PSMA7: variants seen among roughly 807,000 people sequenced by gnomAD.
The protein encoded by PSMA7 is proteasome 20S subunit alpha 7.
Under a neutral mutation model 31.3 loss-of-function variants are expected in PSMA7, and 5 were observed. That is an observed-to-expected ratio of 0.16 (90% CI 0.08 to 0.34). The LOEUF (loss-of-function observed/expected upper bound fraction) is 0.34, where lower values mean the gene tolerates loss of function less well. PSMA7 is among the 10% of genes least tolerant of loss of function. PSMA7 has a pLI of 1.00. For synonymous variants in PSMA7, 155 were observed against 121.9 expected (o/e 1.27, Z -1.79); for missense variants, 217 against 327.5 (o/e 0.66, Z 2.60).
At position 62,136,969 on chromosome 20, in the gene PSMA7, G is replaced by A; in HGVS notation, c.655-20C>T. 6.3e-7 allele frequency: 1 copy of A among 1,595,050 alleles called. No homozygotes were observed. Among genetic ancestry groups the A allele is most frequent in the South Asian group, 1.2e-5 (1 of 86,316 alleles). ...TAAAATCTATAGAAAAAAACTTCAT[G>A]GTTACCTAAGCCACACAAGGTGCCA... is the stretch of plus-strand genomic sequence containing the variant. On this transcript the variant is annotated intron_variant, in intron 6 of 6. Coordinates refer to ENST00000370873, the MANE Select transcript of PSMA7 (RefSeq NM_002792.4).
rs2056925349 is a variant in PSMA7 at position 62,141,195 on chromosome 20, A to C, written c.97-251T>G. On this transcript the variant is annotated intron_variant, in intron 1 of 6. Coordinates refer to ENST00000370873, the MANE Select transcript of PSMA7 (RefSeq NM_002792.4). Reference sequence around the variant, plus strand: ...GGTGGGAGGATCGCTAGAGCCTGGAAGGTGGAGGCTGCAGTGAGCCATGAC... The same window carrying C: ...GGTGGGAGGATCGCTAGAGCCTGGACGGTGGAGGCTGCAGTGAGCCATGAC... Among the ~76,000 whole-genome samples the C allele has an allele frequency of 2.6e-5, 4 of 152,328 alleles. No individual in the cohort carries two copies. In the South Asian group the frequency reaches 8.3e-4, roughly 32 times the overall value.
Position 62,139,201 on chromosome 20 carries a change from G to T in PSMA7, c.349-4C>A. 6.2e-7 allele frequency: 1 copy of T among 1,613,202 alleles called. No individual in the cohort carries two copies. Among genetic ancestry groups the T allele is most frequent in the South Asian group, 1.1e-5 (1 of 91,032 alleles). ...GCCCATTGCTCTGCGTATAACGCTA[G>T]CAAGAAAAGAAACAGGTCAGTGCCA... On this transcript the variant is annotated splice_region_variant and splice_polypyrimidine_tract_variant and intron_variant, in intron 3 of 6. Coordinates refer to ENST00000370873, the MANE Select transcript of PSMA7 (RefSeq NM_002792.4).
In PSMA7 at chr20:62,143,279, C is replaced by T. The variant is rs1330486115; in HGVS notation, c.25G>A (p.Val9Ile). 3.4e-6 allele frequency: 5 copies of T among 1,471,478 alleles called. No homozygotes were observed. The East Asian group carries it at 1.2e-4, about 36-fold the overall frequency. The allele number at this position is 1,471,478 out of a possible 1,614,324, so 91.2% of individuals were successfully genotyped here. The change falls in exon 1 of 7, where the codon GTC becomes ATC. Residue 9 changes from valine to isoleucine, a missense_variant. This residue lies in a region of PSMA7 where 76 missense variants were observed against 96.5 expected (regional missense o/e 0.79). Coordinates refer to ENST00000370873, the MANE Select transcript of PSMA7 (RefSeq NM_002792.4). The part of the protein sequence containing the change: MSYDRAIT[V>I]FSPDGHLFQV... Reference sequence around the variant, plus strand: ...AAGAGGTGGCCGTCGGGCGAGAAGACGGTGATGGCGCGGTCGTAGCTCATG... The same window carrying T: ...AAGAGGTGGCCGTCGGGCGAGAAGATGGTGATGGCGCGGTCGTAGCTCATG...
Position 62,140,846 on chromosome 20 carries a change from C to G in PSMA7, c.195G>C (p.Leu65Phe). Reference protein sequence around the residue: ...DERTVRKICALDDNVCMAFAG... With the variant: ...DERTVRKICAFDDNVCMAFAG... ...CAAAGGCCATGCAGACGTTGTCATC[C>G]AAAGCACAGATCTTCCGCACTGTTC... The change falls in exon 2 of 7, where the codon TTG becomes TTC. Residue 65 changes from leucine (L) to phenylalanine (F), a missense_variant. By Grantham distance (22) the Leu-to-Phe change is conservative. Transcript: ENST00000370873. The G allele has an allele frequency of 6.2e-7, 1 of 1,614,236 alleles. No homozygotes were observed. Among genetic ancestry groups the G allele is most frequent in the Non-Finnish European group, 8.5e-7 (1 of 1,180,042 alleles).
At chr20:62,143,103 C>A in intron 1 of PSMA7, 105 bp downstream of exon 1, 1 of 633,602 alleles carries the variant, frequency 1.6e-6, no homozygotes, top group Non-Finnish European at 2.0e-6. Context: ...GCCCCGCGCA[C>A]GCCCGCGGGC....
At position 62,143,357 on chromosome 20, in the gene PSMA7, C is replaced by T; in HGVS notation, c.-54G>A. ...GCCGCGACTCTCAAAAGCGCACACT[C>T]ACGGCCCGCGCGCACCCGCGACTCC... On this transcript the variant is annotated 5_prime_UTR_variant, in exon 1 of 7. Coordinates refer to ENST00000370873, the MANE Select transcript of PSMA7 (RefSeq NM_002792.4). 2 of 1,108,890 alleles carry T rather than the reference C, an allele frequency of 1.8e-6. No individual in the cohort carries two copies. The highest frequency in any genetic ancestry group is 2.3e-5 in the South Asian group (1 of 43,938). The allele number at this position is 1,108,890 out of a possible 1,614,324, so 68.7% of individuals were successfully genotyped here.
rs1041950309 is a variant in PSMA7 at position 62,140,027 on chromosome 20, A to G, written c.224-122T>C. The G allele has an allele frequency of 6.8e-6, 9 of 1,318,798 alleles. No homozygotes were observed. The African/African-American group carries it at 1.2e-4, about 17-fold the overall frequency. 81.7% of individuals were successfully genotyped at this position (1,318,798 alleles called of 1,614,324 possible). On this transcript the variant is annotated intron_variant, in intron 2 of 6. Coordinates refer to ENST00000370873, the MANE Select transcript of PSMA7 (RefSeq NM_002792.4). The stretch of plus-strand genomic sequence containing the variant: ...CCCAAACCGGCAGCAAGGCTATTCT[A>G]ACTGACTGGCAGCGGAACCTATCAG...
chr20:62,139,010 G>A (rs574890873), intron 4 of PSMA7, 65 bp downstream of exon 4: 3 of 1,584,096 alleles, frequency 1.9e-6, no homozygotes, highest in African/African-American at 1.3e-5. Context: ...GGAAGCCCAG[G>A]ACCTCCCACC....
At chr20:62,142,813 G>C (rs1017425584) in intron 1 of PSMA7, among the ~76,000 whole-genome samples, 3 of 151,928 alleles carry the variant, frequency 2.0e-5, no homozygotes, top group African/African-American at 7.2e-5. Flanking sequence ...GCGAGCGCAC[G>C]GCCTACCCCC....
chr20:62,141,127 G>C (rs2056925042), intron 1 of PSMA7, among the ~76,000 whole-genome samples, 183 bp from the exon 2 acceptor site: 1 of 152,216 alleles, frequency 6.6e-6, no homozygotes, highest in African/African-American at 2.4e-5. Flanking sequence ...AAATTAGCCA[G>C]GTGTGGTGGC....
intron 2 of PSMA7, 126 bp from the exon 3 acceptor site, chr20:62,140,031 G>C (rs1259316983): frequency 4.7e-6 from 6 of 1,277,086 alleles, no homozygotes; most frequent in Middle Eastern, 2.8e-4. Flanking sequence ...TATTCTAACT[G>C]ACTGGCAGCG....
rs1386339252 is a variant in PSMA7, at chr20:62,143,347, A to AGCGCACACTCACGGCCC, written c.-61_-45dup. 3.9e-6 allele frequency: 5 copies of AGCGCACACTCACGGCCC among 1,279,026 alleles called. No homozygotes were observed. The highest frequency in any genetic ancestry group is 5.1e-6 in the Non-Finnish European group (5 of 976,330). The allele number at this position is 1,279,026 out of a possible 1,614,324, so 79.2% of individuals were successfully genotyped here. A position where few individuals can be genotyped will look rare whatever the true frequency, so the allele number is the denominator to read the frequency against. On this transcript the variant is annotated 5_prime_UTR_variant, in exon 1 of 7. Coordinates refer to ENST00000370873, the MANE Select transcript of PSMA7 (RefSeq NM_002792.4). ...GGCTCCTTCCGCCGCGACTCTCAAA[A>AGCGCACACTCACGGCCC]GCGCACACTCACGGCCCGCGCGCAC...
At chr20:62,138,140 C>G in intron 5 of PSMA7, 31 bp downstream of exon 5, 2 of 1,613,884 alleles carry the variant, frequency 1.2e-6, no homozygotes, top group African/African-American at 2.7e-5. Flanking sequence ...GTATCTTCAC[C>G]ACCTTGCCTG....
intron 3 of PSMA7, 105 bp from the exon 4 acceptor site, chr20:62,139,302 C>T: frequency 7.3e-7 from 1 of 1,370,136 alleles, no homozygotes; most frequent in Admixed American, 2.3e-5. Context: ...TGCCTGAGCC[C>T]CTTCTCAGGT....
intron 2 of PSMA7, among the ~76,000 whole-genome samples, 197 bp downstream of exon 2, chr20:62,140,621 T>TTC (rs2308149): frequency 0.87 from 132,051 of 152,148 alleles, 57,339 homozygotes; most frequent in African/African-American, 0.91. Context: ...ATTTAGCCAT[T>TTC]TGTTTCACCT....
chr20:62,142,893 C>T (rs983208563), intron 1 of PSMA7, among the ~76,000 whole-genome samples: 24 of 150,808 alleles, frequency 1.6e-4, no homozygotes, highest in African/African-American at 5.6e-4. Context: ...ACCCACGCGC[C>T]CGGCCGGGGC....
At position 62,140,935 on chromosome 20, in the gene PSMA7, G is replaced by T; in HGVS notation, c.106C>A (p.Arg36=). ...CCAAGAACAACAATGTCTCTTCCTC[G>T]AACACCAACCTTTAATTAAGATCCA... ...VKKGSTAVGV[R]GRDIVVLGVE... is the part of the protein sequence containing the mutation. Residue 36 remains arginine, a synonymous_variant, in exon 2 of 7, where the codon CGA becomes AGA. Coordinates refer to ENST00000370873, the MANE Select transcript of PSMA7 (RefSeq NM_002792.4). 1 of 1,614,034 alleles carries T rather than the reference G, an allele frequency of 6.2e-7. No homozygotes were observed. The highest frequency in any genetic ancestry group is 1.3e-5 in the African/African-American group (1 of 75,024).
At chr20:62,142,148 T>G (rs1054188274) in intron 1 of PSMA7, among the ~76,000 whole-genome samples, 2 of 152,108 alleles carry the variant, frequency 1.3e-5, no homozygotes, top group African/African-American at 2.4e-5. Flanking sequence ...TGATCTGAAG[T>G]GTTTGGGTTT....
chr20:62,140,408 G>A (rs1488777490), intron 2 of PSMA7, among the ~76,000 whole-genome samples: 7 of 152,200 alleles, frequency 4.6e-5, no homozygotes, highest in Admixed American at 6.5e-5. Context: ...CCAAAACAGC[G>A]CTGAGAACAT....
Sources: allele counts gnomAD v4.1 joint callset (sites outside exome capture counted in the v4.1 genomes callset), GRCh38; gene constraint gnomAD v4.1.1; regional missense constraint gnomAD v4.1.1; transcripts MANE v1.5; gene names NCBI Gene and HGNC (gene_info 2026-07-23, HGNC 2026-07-21).